Variants in GABRG3 observed in about 807,000 individuals in gnomAD.
The protein encoded by GABRG3 is gamma-aminobutyric acid type A receptor subunit gamma3, also known as gamma-aminobutyric acid receptor subunit gamma-3.
GABRG3 carries 25 observed loss-of-function variants against 48.8 expected under a neutral mutation model. That is an observed-to-expected ratio of 0.51 (90% confidence interval 0.37 to 0.72). GABRG3 has a LOEUF of 0.72. Ranked by LOEUF, GABRG3 falls within the 30% of genes least tolerant of loss-of-function variation. The pLI is 0.00. For synonymous variants in GABRG3, 227 were observed against 217.6 expected (o/e 1.04, Z -0.38); for missense variants, 394 against 577.9 (o/e 0.68, Z 3.26).
At chr15:27,004,422 G>A (rs1895540664) in intron 2 of GABRG3, among the ~76,000 whole-genome samples, 2 of 150,956 alleles carry the variant, frequency 1.3e-5, no homozygotes, top group African/African-American at 4.9e-5. Context: ...TCACTTCCTA[G>A]ATGGGATGGC....
chr15:27,463,983 G>C (rs1329135349), intron 5 of GABRG3, among the ~76,000 whole-genome samples: 2 of 152,144 alleles, frequency 1.3e-5, no homozygotes. Context: ...GTGCAAGTGA[G>C]AAAACGAGCT....
In GABRG3 at chr15:27,179,985, G is replaced by A. The variant is rs1023995463; in HGVS notation, c.271-146824G>A. On this transcript the variant is annotated intron_variant, in intron 3 of 9. Transcript: ENST00000615808. The surrounding 1 kb of genome is among the most constrained non-coding windows in gnomAD (Gnocchi z 4.0). ...TGAAGAGCTGCAGCACTTCTCTCTG[G>A]CGGTACATTTTGCACACTCATGGTT... 1.3e-5 allele frequency among the ~76,000 whole-genome samples: 2 copies of A among 152,124 alleles called. No individual in the cohort carries two copies. The highest frequency in any genetic ancestry group is 2.9e-5 in the Non-Finnish European group (2 of 68,018).
chr15:27,222,131 A>G (rs1201688695), intron 3 of GABRG3, among the ~76,000 whole-genome samples: 1 of 152,234 alleles, frequency 6.6e-6, no homozygotes, highest in Non-Finnish European at 1.5e-5. Context: ...CTTCCACAGA[A>G]GATGCCCCAA....
chr15:27,532,805 C>T lies in GABRG3; in HGVS notation c.1328C>T (p.Ser443Leu). 3 of 1,613,944 alleles carry T rather than the reference C, an allele frequency of 1.9e-6. No homozygotes were observed. The highest frequency in any genetic ancestry group is 1.6e-4 in the Middle Eastern group (1 of 6,062). ...RIHIDILELDSYSRVFFPTSF... is the reference protein window; with the variant it reads ...RIHIDILELDLYSRVFFPTSF... Reference sequence around the variant, plus strand: ...CACATAGACATCTTGGAGCTGGACTCGTACTCCCGGGTCTTTTTCCCCACG... The same window carrying T: ...CACATAGACATCTTGGAGCTGGACTTGTACTCCCGGGTCTTTTTCCCCACG... Residue 443 changes from serine to leucine, a missense_variant, in exon 10 of 10, where the codon TCG becomes TTG. Coordinates refer to ENST00000615808, the MANE Select transcript of GABRG3 (RefSeq NM_033223.5).
rs1234297600 is a variant in GABRG3 at position 27,180,152 on chromosome 15, C to CG, written c.271-146651dup. Among the ~76,000 whole-genome samples, 1 of 152,006 alleles carries CG rather than the reference C, an allele frequency of 6.6e-6. No individual in the cohort carries two copies. Among genetic ancestry groups the CG allele is most frequent in the African/African-American group, 2.4e-5 (1 of 41,358 alleles). On this transcript the variant is annotated intron_variant, in intron 3 of 9. Transcript: ENST00000615808. The surrounding 1 kb of genome is among the most constrained non-coding windows in gnomAD (Gnocchi z 4.2). Reference sequence around the variant, plus strand: ...AGCTCACAAAGAAGTTGTCCAGGCCCGGGGGGTGAGATACATAAATTGAGC... The same window carrying CG: ...AGCTCACAAAGAAGTTGTCCAGGCCCGGGGGGGTGAGATACATAAATTGAGC...
At chr15:27,411,950 G>A (rs1369544211) in intron 5 of GABRG3, among the ~76,000 whole-genome samples, 1 of 151,940 alleles carries the variant, frequency 6.6e-6, no homozygotes, top group Non-Finnish European at 1.5e-5. Flanking sequence ...TTTCTCCAAT[G>A]CTCTTTCTTT....
intron 3 of GABRG3, among the ~76,000 whole-genome samples, chr15:27,155,055 G>A (rs1898393922): frequency 1.3e-5 from 2 of 151,708 alleles, no homozygotes; most frequent in South Asian, 4.2e-4. Flanking sequence ...TGGTCTCTGA[G>A]GCTCTGTTTA....
intron 5 of GABRG3, among the ~76,000 whole-genome samples, chr15:27,344,351 T>C (rs1182422727): frequency 6.6e-6 from 1 of 152,246 alleles, no homozygotes; most frequent in Non-Finnish European, 1.5e-5. Flanking sequence ...TTTTTGTCTC[T>C]GTAGACATGA....
chr15:27,308,725 A>G lies in GABRG3; in HGVS notation c.271-18084A>G, dbSNP rs1382783396. 2.0e-5 allele frequency among the ~76,000 whole-genome samples: 3 copies of G among 149,444 alleles called. 1 individual carries two copies. Among genetic ancestry groups the G allele is most frequent in the African/African-American group, 4.9e-5 (2 of 40,898 alleles). On this transcript the variant is annotated intron_variant, in intron 3 of 9. Coordinates refer to ENST00000615808, the MANE Select transcript of GABRG3 (RefSeq NM_033223.5). ...AAACATACGTTTATATGTAAACATAATGTAAACATACGTTTATATGTAAAC... is the reference window on the plus strand; with the variant it reads ...AAACATACGTTTATATGTAAACATAGTGTAAACATACGTTTATATGTAAAC...
chr15:27,286,171 A>C (rs534418193), intron 3 of GABRG3, among the ~76,000 whole-genome samples: 31 of 152,354 alleles, frequency 2.0e-4, no homozygotes, highest in Middle Eastern at 3.4e-3. Flanking sequence ...TCTTCCATGG[A>C]AATGAACTGA....
intron 3 of GABRG3, among the ~76,000 whole-genome samples, chr15:27,265,017 A>T (rs1003720111): frequency 1.3e-5 from 2 of 152,274 alleles, no homozygotes; most frequent in Admixed American, 1.3e-4. Context: ...CATTATAATC[A>T]TCTACAACCA....
intron 3 of GABRG3, among the ~76,000 whole-genome samples, chr15:27,138,250 G>A (rs2140387734): frequency 6.6e-6 from 1 of 152,246 alleles, no homozygotes; most frequent in Non-Finnish European, 1.5e-5. Flanking sequence ...GATTGCTGGG[G>A]ACTGTGGGTT....
intron 2 of GABRG3, among the ~76,000 whole-genome samples, chr15:26,977,414 A>G (rs1480631722): frequency 6.6e-6 from 1 of 152,108 alleles, no homozygotes; most frequent in Non-Finnish European, 1.5e-5. Context: ...TCCTTCATCA[A>G]CCGAAAGTGG....
intron 3 of GABRG3, among the ~76,000 whole-genome samples, chr15:27,316,737 G>A (rs1566781565): frequency 6.6e-6 from 1 of 152,140 alleles, no homozygotes; most frequent in African/African-American, 2.4e-5. Flanking sequence ...TTCTGTCAAG[G>A]CTATGGCTGT....
chr15:27,117,159 A>G (rs553285879), intron 3 of GABRG3, among the ~76,000 whole-genome samples: 19 of 152,350 alleles, frequency 1.2e-4, no homozygotes, highest in African/African-American at 4.3e-4. Context: ...CAACCCAGAC[A>G]GTTTGGCTTT....
rs777632213 is a variant in GABRG3 at position 27,366,265 on chromosome 15, A to C, written c.574+37377A>C. On this transcript the variant is annotated intron_variant, in intron 5 of 9. Transcript: ENST00000615808. ...CCAAGATCATGATGAGCCCACGGTC[A>C]TGCAGCCAGCTGGGCTCCAGACTTC... 22 of 152,232 alleles carry C rather than the reference A, an allele frequency of 1.4e-4. No individual in the cohort carries two copies. In the East Asian group the frequency reaches 1.9e-3, roughly 13 times the overall value. The allele number at this position is 152,232 out of a possible 1,614,324, so 9.4% of individuals were successfully genotyped here. A position where few individuals can be genotyped will look rare whatever the true frequency, so the allele number is the denominator to read the frequency against.
At chr15:27,153,249 A>C (rs1322827772) in intron 3 of GABRG3, among the ~76,000 whole-genome samples, 1 of 152,094 alleles carries the variant, frequency 6.6e-6, no homozygotes, top group African/African-American at 2.4e-5. Flanking sequence ...GGTTATTGAG[A>C]TTATCTTTTT....
chr15:27,421,551 T>A (rs1045936782), intron 5 of GABRG3, among the ~76,000 whole-genome samples: 11 of 151,490 alleles, frequency 7.3e-5, no homozygotes, highest in African/African-American at 2.7e-4. Context: ...GGGCTGCGTA[T>A]CCATCAATAC....
intron 6 of GABRG3, among the ~76,000 whole-genome samples, chr15:27,491,139 T>C (rs1455934692): frequency 1.3e-5 from 2 of 152,196 alleles, no homozygotes; most frequent in African/African-American, 4.8e-5. Context: ...GCTGTGCTAC[T>C]GAGATGCTCA....
Sources: gnomAD v4.1 joint callset for allele counts (sites outside exome capture counted in the v4.1 genomes callset) on GRCh38, gnomAD v4.1.1 for gene constraint, Gnocchi (gnomAD v3.1) non-coding constraint, MANE v1.5 for transcripts, NCBI Gene and HGNC (gene_info 2026-07-23, HGNC 2026-07-21) for gene names.